The following PPM1L variants were observed in gnomAD, a reference collection of about 807,000 sequenced individuals.
PPM1L encodes the protein protein phosphatase 1L.
Under a neutral mutation model 31.4 loss-of-function variants are expected in PPM1L, and 13 were observed. The observed-to-expected ratio is 0.41, with a 90% CI of 0.27 to 0.66. PPM1L has a LOEUF of 0.66. PPM1L is among the 30% of genes least tolerant of loss of function. PPM1L has a pLI of 0.29. For synonymous variants in PPM1L, 184 were observed against 175.4 expected (o/e 1.05, Z -0.39); for missense variants, 326 against 453.7 (o/e 0.72, Z 2.56).
intron 1 of PPM1L, among the ~76,000 whole-genome samples, chr3:160,836,153 T>C (rs1713707882): frequency 6.6e-6 from 1 of 152,188 alleles, no homozygotes; most frequent in Non-Finnish European, 1.5e-5. Flanking sequence ...GAAACTAAGC[T>C]CTGAAGGCTT....
intron 1 of PPM1L, 76 bp from the exon 2 acceptor site, chr3:160,961,660 G>A: frequency 7.6e-7 from 1 of 1,317,800 alleles, no homozygotes; most frequent in Non-Finnish European, 1.0e-6. Flanking sequence ...TTTCTCTATA[G>A]CACCTGAGGG....
chr3:161,042,523 G>T (rs138936345), intron 2 of PPM1L, among the ~76,000 whole-genome samples: 2 of 152,160 alleles, frequency 1.3e-5, no homozygotes, highest in African/African-American at 4.8e-5. Flanking sequence ...AACCACCTGC[G>T]AAGGTGCCCT....
chr3:160,966,657 A>G (rs1349244568), intron 2 of PPM1L, among the ~76,000 whole-genome samples: 2 of 152,130 alleles, frequency 1.3e-5, no homozygotes, highest in Non-Finnish European at 2.9e-5. Flanking sequence ...ACTCTAGAGG[A>G]TAGACTTCAG....
intron 1 of PPM1L, among the ~76,000 whole-genome samples, chr3:160,858,412 A>G (rs1711791462): frequency 6.6e-6 from 1 of 152,080 alleles, no homozygotes; most frequent in African/African-American, 2.4e-5. Flanking sequence ...ACGCCCAGCT[A>G]ATTTTTGTAT....
chr3:160,802,425 A>G (rs958961770), intron 1 of PPM1L, among the ~76,000 whole-genome samples: 2 of 152,198 alleles, frequency 1.3e-5, no homozygotes, highest in African/African-American at 4.8e-5. Flanking sequence ...GACTCCATGC[A>G]AGTGAGCAAT....
At chr3:160,757,553 A>C (rs1011335569) in intron 1 of PPM1L, among the ~76,000 whole-genome samples, 2 of 152,248 alleles carry the variant, frequency 1.3e-5, no homozygotes, top group African/African-American at 4.8e-5. Context: ...TTGTGCGCTG[A>C]GGCCCAGGTT....
chr3:160,962,825 T>C (rs1458910247), intron 2 of PPM1L, among the ~76,000 whole-genome samples: 1 of 152,030 alleles, frequency 6.6e-6, no homozygotes, highest in East Asian at 1.9e-4. Context: ...AACATTATAC[T>C]ACATTCACCT....
chr3:160,912,368 G>A (rs987857807), intron 1 of PPM1L, among the ~76,000 whole-genome samples: 16 of 152,128 alleles, frequency 1.1e-4, no homozygotes, highest in African/African-American at 2.7e-4. Context: ...GGGCTTCCCC[G>A]TATATTATCA....
chr3:161,059,320 C>T (rs1453871240), intron 2 of PPM1L, among the ~76,000 whole-genome samples: 1 of 152,120 alleles, frequency 6.6e-6, no homozygotes, highest in Non-Finnish European at 1.5e-5. Flanking sequence ...CAGAAGTTCT[C>T]TCCACCTACC....
At chr3:160,920,613 T>TCACACACACA (rs1342261518) in intron 1 of PPM1L, among the ~76,000 whole-genome samples, 4 of 26,916 alleles carry the variant, frequency 1.5e-4, no homozygotes, top group Admixed American at 3.7e-4. Flanking sequence ...TCTCTCTCTC[T>TCACACACACA]CTCACACACA....
intron 1 of PPM1L, among the ~76,000 whole-genome samples, chr3:160,798,790 A>G (rs1712337869): frequency 6.6e-6 from 1 of 152,214 alleles, no homozygotes; most frequent in South Asian, 2.1e-4. Context: ...TACATTTTGT[A>G]AGGCTGTAGC....
intron 1 of PPM1L, among the ~76,000 whole-genome samples, chr3:160,872,849 C>T (rs1712361028): frequency 6.6e-6 from 1 of 152,118 alleles, no homozygotes. Context: ...ATCGCTTGAA[C>T]CCCGGAGGCA....
intron 1 of PPM1L, among the ~76,000 whole-genome samples, chr3:160,900,967 T>G (rs1260255932): frequency 6.6e-6 from 1 of 152,198 alleles, no homozygotes; most frequent in Non-Finnish European, 1.5e-5. Flanking sequence ...TTCATTTGGC[T>G]TTTAAGATAC....
rs79104984 is a variant in PPM1L, at chr3:160,899,001, T to A, written c.400-62735T>A. ...TACTCACCTATGTCTTAGGTTTTTT[T>A]CTTTACTCATCTAACGTTCCAGTGT... On this transcript the variant is annotated intron_variant, in intron 1 of 3. Transcript: ENST00000498165. Among the ~76,000 whole-genome samples the A allele has an allele frequency of 9.8e-5, 15 of 152,326 alleles. No homozygotes were observed. The East Asian group carries it at 2.9e-3, about 29-fold the overall frequency.
In PPM1L at chr3:160,812,212, C is replaced by A. The variant is rs549445222; in HGVS notation, c.399+55505C>A. On this transcript the variant is annotated intron_variant, in intron 1 of 3. Transcript: ENST00000498165. ...TTTGGTGGTAATCTGCTGCCAAGAA[C>A]GGTTCTTTCTCCCCTTTTCCCACCT... 3.9e-5 allele frequency among the ~76,000 whole-genome samples: 6 copies of A among 152,290 alleles called. No individual in the cohort carries two copies. The South Asian group carries it at 1.2e-3, about 32-fold the overall frequency.
At chr3:161,036,015 A>C (rs1255401008) in intron 2 of PPM1L, 3 of 152,254 alleles carry the variant, frequency 2.0e-5, no homozygotes, top group Non-Finnish European at 4.4e-5. Context: ...GCAAGTCCAA[A>C]TCAAGCCATG....
At chr3:160,828,958 T>C (rs1438226203) in intron 1 of PPM1L, among the ~76,000 whole-genome samples, 1 of 152,138 alleles carries the variant, frequency 6.6e-6, no homozygotes, top group Admixed American at 6.6e-5. Context: ...CCTGGATCTC[T>C]GTACCTCCAA....
chr3:160,863,250 C>G (rs1345186584), intron 1 of PPM1L, among the ~76,000 whole-genome samples: 3 of 152,104 alleles, frequency 2.0e-5, no homozygotes, highest in African/African-American at 7.2e-5. Flanking sequence ...GACTTGGAGA[C>G]CACATTCAAA....
chr3:160,985,981 CA>C (rs1553752453), intron 2 of PPM1L, among the ~76,000 whole-genome samples: 41 of 149,020 alleles, frequency 2.8e-4, no homozygotes, highest in Admixed American at 1.3e-3. Context: ...TCCACCCACC[CA>C]AAAAAAAAAA....
Sources: allele counts gnomAD v4.1 joint callset (sites outside exome capture counted in the v4.1 genomes callset), GRCh38; gene constraint gnomAD v4.1.1; transcripts MANE v1.5; gene names NCBI Gene and HGNC (gene_info 2026-07-23, HGNC 2026-07-21).